Variants in DTNA observed in about 807,000 individuals in gnomAD.
DTNA encodes dystrobrevin alpha, also known as dystrophin-related protein 3.
In DTNA, 43 loss-of-function variants were observed where a neutral mutation model predicts 100.7. The ratio of observed to expected loss-of-function variants is 0.43; its 90% CI spans 0.33 to 0.55. DTNA has a LOEUF of 0.55. Ranked by LOEUF, DTNA falls within the 20% of genes least tolerant of loss-of-function variation. The pLI is 0.04. For synonymous variants in DTNA, 349 were observed against 347.9 expected, an observed-to-expected ratio of 1.00 and a Z score of -0.04; for missense variants, 798 against 953.9, an observed-to-expected ratio of 0.84 and a Z score of 2.15.
chr18:34,821,344 A>G, intron 9 of DTNA: 1 of 418,860 alleles, frequency 2.4e-6, no homozygotes. Context: ...CAGCAAACCT[A>G]GAAATTACTT....
At chr18:34,516,671 C>G (rs532645951) in intron 1 of DTNA, among the ~76,000 whole-genome samples, 1 of 152,148 alleles carries the variant, frequency 6.6e-6, no homozygotes, top group Admixed American at 6.6e-5. Context: ...GATATTTCTC[C>G]TATTCGCTTT....
intron 1 of DTNA, among the ~76,000 whole-genome samples, chr18:34,500,561 T>G (rs2039794867): frequency 6.6e-6 from 1 of 151,528 alleles, no homozygotes; most frequent in South Asian, 2.1e-4. Context: ...CCTCCCCGAT[T>G]CAAGCAGTTC....
chr18:34,498,814 A>G (rs919228751), intron 1 of DTNA, among the ~76,000 whole-genome samples: 2 of 152,210 alleles, frequency 1.3e-5, no homozygotes, highest in East Asian at 1.9e-4. Flanking sequence ...ACATTGCTAT[A>G]AAAAGTATGC....
At chr18:34,641,717 A>C in intron 1 of DTNA, among the ~76,000 whole-genome samples, 1 of 152,214 alleles carries the variant, frequency 6.6e-6, no homozygotes, top group Non-Finnish European at 1.5e-5. Flanking sequence ...TTTCAGGCAT[A>C]AACAGAGCTG....
At chr18:34,694,954 C>T (rs767407869) in intron 1 of DTNA, among the ~76,000 whole-genome samples, 5 of 152,146 alleles carry the variant, frequency 3.3e-5, no homozygotes, top group Non-Finnish European at 7.4e-5. Context: ...TCCTATTCCT[C>T]GTGTGTGGTC....
At chr18:34,766,628 A>T (rs965209734) in intron 3 of DTNA, among the ~76,000 whole-genome samples, 1 of 152,112 alleles carries the variant, frequency 6.6e-6, no homozygotes, top group Non-Finnish European at 1.5e-5. Context: ...CATATGTAAC[A>T]AACCTGCACA....
chr18:34,657,035 C>T (rs991433164), intron 1 of DTNA, among the ~76,000 whole-genome samples: 1 of 152,018 alleles, frequency 6.6e-6, no homozygotes, highest in African/African-American at 2.4e-5. Flanking sequence ...CACCACTATG[C>T]ATGGCTAATT....
At chr18:34,718,783 G>T (rs1249334885) in intron 1 of DTNA, among the ~76,000 whole-genome samples, 1 of 152,202 alleles carries the variant, frequency 6.6e-6, no homozygotes, top group Non-Finnish European at 1.5e-5. Flanking sequence ...ACAAGCCAGA[G>T]TGAGTGAGGA....
chr18:34,531,504 T>G (rs544977435), intron 1 of DTNA, among the ~76,000 whole-genome samples: 1 of 152,190 alleles, frequency 6.6e-6, no homozygotes, highest in Non-Finnish European at 1.5e-5. Flanking sequence ...GTCTTGCATT[T>G]GCTCATCCAT....
intron 1 of DTNA, among the ~76,000 whole-genome samples, chr18:34,686,865 G>C (rs1326522355): frequency 6.6e-6 from 1 of 152,098 alleles, no homozygotes; most frequent in African/African-American, 2.4e-5. Flanking sequence ...TCTTGGTTTA[G>C]TCTCGGGAGG....
At chr18:34,859,447 C>T (rs957621923) in intron 16 of DTNA, among the ~76,000 whole-genome samples, 10 of 152,166 alleles carry the variant, frequency 6.6e-5, no homozygotes, top group Non-Finnish European at 1.5e-4. Flanking sequence ...TATTTGGGTA[C>T]ACCCTGTGTA....
intron 16 of DTNA, among the ~76,000 whole-genome samples, chr18:34,859,626 G>C (rs1046465341): frequency 6.6e-6 from 1 of 152,206 alleles, no homozygotes; most frequent in Non-Finnish European, 1.5e-5. Flanking sequence ...AAAGGGAGTA[G>C]CCTCGGATCC....
At chr18:34,605,004 G>T (rs1363449997) in intron 1 of DTNA, among the ~76,000 whole-genome samples, 1 of 148,846 alleles carries the variant, frequency 6.7e-6, no homozygotes, top group Non-Finnish European at 1.5e-5. Context: ...AACTGGATTT[G>T]TCTTTTGTTT....
intron 1 of DTNA, among the ~76,000 whole-genome samples, chr18:34,556,001 G>A (rs1428167053): frequency 6.7e-6 from 1 of 150,200 alleles, no homozygotes; most frequent in African/African-American, 2.4e-5. Context: ...ATGTGTGGGA[G>A]TCTAAGTCTC....
chr18:34,854,691 C>G (rs1394772096), intron 15 of DTNA, among the ~76,000 whole-genome samples: 1 of 152,108 alleles, frequency 6.6e-6, no homozygotes, highest in African/African-American at 2.4e-5. Flanking sequence ...CCCTTAGTCC[C>G]TTTTCTCTAA....
In DTNA at chr18:34,885,945, A is replaced by AT. The variant is rs564353422; in HGVS notation, c.*31+1175dup. Among the ~76,000 whole-genome samples the AT allele has an allele frequency of 1.1e-4, 17 of 152,200 alleles. No individual in the cohort carries two copies. In the East Asian group the frequency reaches 3.1e-3, roughly 28 times the overall value. On this transcript the variant is annotated intron_variant, in intron 22 of 22. Transcript: ENST00000444659. ...GGGCCACACTGTTCCGTAAGTCTAG[A>AT]TTTTTTCTCTGGCTCCAGCTAATAG...
intron 5 of DTNA, 87 bp downstream of exon 5, chr18:34,806,391 C>G (rs2095361622): frequency 4.7e-6 from 5 of 1,074,864 alleles, no homozygotes. Flanking sequence ...GTCCCCTCCC[C>G]ATTTGTATCT....
chr18:34,565,067 TATTGTA>T (rs1465515533), intron 1 of DTNA, among the ~76,000 whole-genome samples: 31 of 152,366 alleles, frequency 2.0e-4, no homozygotes, highest in African/African-American at 6.3e-4. Flanking sequence ...AAAGCATCTA[TATTGTA>T]ATATGTAAGT....
chr18:34,623,646 A>T (rs1322744941), intron 1 of DTNA, among the ~76,000 whole-genome samples: 6 of 152,206 alleles, frequency 3.9e-5, no homozygotes, highest in Admixed American at 3.9e-4. Flanking sequence ...TCACTCATCC[A>T]TTCAATCAAT....
Sources: allele counts gnomAD v4.1 joint callset (sites outside exome capture counted in the v4.1 genomes callset), GRCh38; gene constraint gnomAD v4.1.1; transcripts MANE v1.5; gene names NCBI Gene and HGNC (gene_info 2026-07-23, HGNC 2026-07-21).